Variants in FAM135B observed in about 807,000 individuals in gnomAD.
The protein encoded by FAM135B is family with sequence similarity 135 member B.
A neutral mutation model predicts 127.7 loss-of-function variants in FAM135B; 43 were observed. That is an observed-to-expected ratio of 0.34 (90% CI 0.26 to 0.43). The LOEUF is 0.43. FAM135B is among the 20% of genes least tolerant of loss of function. The pLI is 1.00. For synonymous variants in FAM135B, 670 were observed against 665.1 expected, an observed-to-expected ratio of 1.01 and a Z score of -0.11; for missense variants, 1,558 against 1,725.6, an observed-to-expected ratio of 0.90 and a Z score of 1.72.
chr8:138,283,682 T>C (rs1824451281), intron 3 of FAM135B, among the ~76,000 whole-genome samples: 1 of 152,086 alleles, frequency 6.6e-6, no homozygotes. Flanking sequence ...GGGGGAGGCC[T>C]TAGTCGAATA....
intron 7 of FAM135B, among the ~76,000 whole-genome samples, chr8:138,201,961 G>A (rs1037553464): frequency 3.3e-5 from 5 of 151,790 alleles, no homozygotes; most frequent in Non-Finnish European, 7.4e-5. Flanking sequence ...CTCCCTCTCT[G>A]CTAAAAATGC....
At chr8:138,468,363 C>A (rs1418308352) in intron 1 of FAM135B, among the ~76,000 whole-genome samples, 3 of 152,172 alleles carry the variant, frequency 2.0e-5, no homozygotes, top group African/African-American at 7.2e-5. Context: ...GCTGTTAGCT[C>A]TTCATGACTC....
chr8:138,479,116 G>A (rs1274365383), intron 1 of FAM135B, among the ~76,000 whole-genome samples: 1 of 152,202 alleles, frequency 6.6e-6, no homozygotes, highest in African/African-American at 2.4e-5. Flanking sequence ...CTGAAAAGAA[G>A]AGATACATCA....
chr8:138,470,938 A>G (rs886833260), intron 1 of FAM135B, among the ~76,000 whole-genome samples: 3 of 152,254 alleles, frequency 2.0e-5, no homozygotes, highest in Non-Finnish European at 4.4e-5. Flanking sequence ...CTGTGCTCCA[A>G]TGAACTCTCT....
intron 2 of FAM135B, among the ~76,000 whole-genome samples, chr8:138,344,290 T>C (rs1470904280): frequency 1.3e-5 from 2 of 152,176 alleles, no homozygotes; most frequent in African/African-American, 4.8e-5. Flanking sequence ...AATGGCAAGG[T>C]GGCCAATGCA....
intron 2 of FAM135B, among the ~76,000 whole-genome samples, chr8:138,335,485 C>T (rs901484717): frequency 6.6e-6 from 1 of 152,016 alleles, no homozygotes; most frequent in Non-Finnish European, 1.5e-5. Context: ...GACTTTAAAC[C>T]AACAAAGATC....
intron 1 of FAM135B, among the ~76,000 whole-genome samples, chr8:138,442,237 C>CTATATATAT (rs1835820540): frequency 3.9e-5 from 2 of 51,898 alleles, no homozygotes; most frequent in African/African-American, 2.0e-4. Flanking sequence ...ATATGGACAC[C>CTATATATAT]ATATATATAT....
intron 2 of FAM135B, among the ~76,000 whole-genome samples, chr8:138,323,790 G>T (rs537561854): frequency 1.3e-5 from 2 of 152,266 alleles, no homozygotes; most frequent in African/African-American, 4.8e-5. Context: ...TTCTCTCACT[G>T]CCTTTTTTTT....
chr8:138,422,977 C>T (rs920482104), intron 1 of FAM135B, among the ~76,000 whole-genome samples: 1 of 152,142 alleles, frequency 6.6e-6, no homozygotes, highest in African/African-American at 2.4e-5. Flanking sequence ...AACATGGATG[C>T]AGCTGGAGGC....
chr8:138,344,282 T>C (rs1425648697), intron 2 of FAM135B, among the ~76,000 whole-genome samples: 2 of 152,202 alleles, frequency 1.3e-5, no homozygotes, highest in Non-Finnish European at 2.9e-5. Context: ...TAATTCTCAA[T>C]GGCAAGGTGG....
At chr8:138,247,016 C>G (rs1821341107) in intron 6 of FAM135B, among the ~76,000 whole-genome samples, 1 of 152,186 alleles carries the variant, frequency 6.6e-6, no homozygotes, top group Non-Finnish European at 1.5e-5. Flanking sequence ...TTGTTTTGGC[C>G]AACTTCTCCC....
Position 138,283,607 on chromosome 8 carries a change from G to C in FAM135B, c.158-17765C>G, listed in dbSNP as rs184911069. The stretch of plus-strand genomic sequence containing the variant: ...AGAATGAACCCTAATATAAACTTGG[G>C]ACTTTGGGTGATAATGATGCACCAA... On this transcript the variant is annotated intron_variant, in intron 3 of 19. Coordinates refer to ENST00000395297, the MANE Select transcript of FAM135B (RefSeq NM_015912.4). Among the ~76,000 whole-genome samples the C allele has an allele frequency of 2.8e-4, 43 of 152,176 alleles. 1 individual carries two copies. Among genetic ancestry groups the C allele is most frequent in the African/African-American group, 9.4e-4 (39 of 41,518 alleles).
chr8:138,205,398 G>C (rs1817477605), intron 7 of FAM135B, among the ~76,000 whole-genome samples: 1 of 152,180 alleles, frequency 6.6e-6, no homozygotes, highest in South Asian at 2.1e-4. Flanking sequence ...AGTTTAGATA[G>C]TTTGCCTGTG....
In FAM135B at chr8:138,142,973, C is replaced by T. The variant is rs188857869; in HGVS notation, c.3638+39G>A. On this transcript the variant is annotated intron_variant, in intron 16 of 19. Coordinates refer to ENST00000395297, the MANE Select transcript of FAM135B (RefSeq NM_015912.4). ...CAGCAAACACTCAAAAATGTCCCCC[C>T]TCTTCCCCCAGCATTAACTACCTGT... 21 of 1,082,712 alleles carry T rather than the reference C, an allele frequency of 1.9e-5. No homozygotes were observed. In the South Asian group the frequency reaches 2.3e-4, roughly 12 times the overall value. 67.1% of individuals were successfully genotyped at this position (1,082,712 alleles called of 1,614,324 possible). A position where few individuals can be genotyped will look rare whatever the true frequency, so the allele number is the denominator to read the frequency against.
At chr8:138,296,113 A>G (rs1045094722) in intron 3 of FAM135B, among the ~76,000 whole-genome samples, 2 of 152,186 alleles carry the variant, frequency 1.3e-5, no homozygotes, top group Admixed American at 6.5e-5. Flanking sequence ...TTCACTGTGG[A>G]CTGAGACTTC....
intron 7 of FAM135B, among the ~76,000 whole-genome samples, chr8:138,231,558 G>A (rs533396778): frequency 6.6e-6 from 1 of 152,300 alleles, no homozygotes; most frequent in Non-Finnish European, 1.5e-5. Context: ...CGTGCTAGGT[G>A]CAGAATGTGA....
intron 1 of FAM135B, among the ~76,000 whole-genome samples, chr8:138,464,764 A>C (rs1837301499): frequency 6.6e-6 from 1 of 152,176 alleles, no homozygotes; most frequent in African/African-American, 2.4e-5. Context: ...ACATATCCTC[A>C]CAGGAAAGGC....
chr8:138,362,087 A>G (rs1442324932), intron 2 of FAM135B, among the ~76,000 whole-genome samples: 1 of 152,038 alleles, frequency 6.6e-6, no homozygotes, highest in Admixed American at 6.6e-5. Context: ...AGAAGAGAGT[A>G]TTCATCTCCT....
At chr8:138,309,068 T>C (rs1193175039) in intron 3 of FAM135B, 1 of 434,234 alleles carries the variant, frequency 2.3e-6, no homozygotes, top group Admixed American at 2.8e-5. Context: ...ATTTATAATT[T>C]CTAAGACAAA....
Sources: gnomAD v4.1 joint callset for allele counts (sites outside exome capture counted in the v4.1 genomes callset) on GRCh38, gnomAD v4.1.1 for gene constraint, MANE v1.5 for transcripts, NCBI Gene and HGNC (gene_info 2026-07-23, HGNC 2026-07-21) for gene names.